The following SEMA3A variants were observed in gnomAD, a reference collection of about 807,000 sequenced individuals.
SEMA3A encodes semaphorin 3A, also known as semaphorin-3A.
A neutral mutation model predicts 97.9 loss-of-function variants in SEMA3A; 29 were observed. That is an observed-to-expected ratio of 0.30 (90% CI 0.22 to 0.40). The LOEUF (loss-of-function observed/expected upper bound fraction) is 0.40, where lower values mean the gene tolerates loss of function less well. SEMA3A is among the 10% of genes least tolerant of loss of function. SEMA3A has a pLI of 1.00. For missense variants in SEMA3A, 763 were observed against 951.3 expected (o/e 0.80, Z 2.60); for synonymous variants, 321 against 323.7 (o/e 0.99, Z 0.09).
At chr7:84,257,752 T>G (rs536314756) in intron 3 of SEMA3A, among the ~76,000 whole-genome samples, 10 of 152,166 alleles carry the variant, frequency 6.6e-5, no homozygotes, top group South Asian at 2.1e-4. Context: ...ATAAAGACAC[T>G]ACTTTTTTTC....
intron 9 of SEMA3A, among the ~76,000 whole-genome samples, chr7:84,008,697 T>C (rs1234523746): frequency 6.6e-6 from 1 of 152,186 alleles, no homozygotes; most frequent in Non-Finnish European, 1.5e-5. Context: ...AGTTTGTTAT[T>C]GGAAACTACT....
chr7:84,278,006 T>C (rs896111147), intron 3 of SEMA3A, among the ~76,000 whole-genome samples: 8 of 152,152 alleles, frequency 5.3e-5, no homozygotes, highest in Non-Finnish European at 8.8e-5. Context: ...ATACTCTGCT[T>C]CTTTTATAAA....
chr7:84,070,027 G>A (rs2115748315), intron 4 of SEMA3A, among the ~76,000 whole-genome samples: 1 of 152,246 alleles, frequency 6.6e-6, no homozygotes, highest in African/African-American at 2.4e-5. Flanking sequence ...TGTTTTGGAA[G>A]AGTGTGAAAT....
intron 6 of SEMA3A, among the ~76,000 whole-genome samples, chr7:84,021,665 A>G (rs931904494): frequency 6.6e-6 from 1 of 152,216 alleles, no homozygotes; most frequent in African/African-American, 2.4e-5. Context: ...GTAAACTAAT[A>G]TCCCTATTTT....
At chr7:84,096,371 A>T (rs1023051167) in intron 4 of SEMA3A, among the ~76,000 whole-genome samples, 3 of 152,046 alleles carry the variant, frequency 2.0e-5, no homozygotes, top group African/African-American at 7.2e-5. Flanking sequence ...TTTTAGCAAG[A>T]ATTTTATGGA....
intron 1 of SEMA3A, among the ~76,000 whole-genome samples, chr7:84,463,125 A>G (rs1805895277): frequency 6.6e-6 from 1 of 151,632 alleles, no homozygotes; most frequent in African/African-American, 2.4e-5. Context: ...TCATTTTTTA[A>G]TATCTCTCTT....
chr7:84,138,223 T>A (rs2116060706), intron 1 of SEMA3A, among the ~76,000 whole-genome samples: 1 of 152,174 alleles, frequency 6.6e-6, no homozygotes, highest in South Asian at 2.1e-4. Flanking sequence ...TATATTTTTT[T>A]TCTTTTTTTT....
At chr7:84,041,462 A>C (rs1792131821) in intron 6 of SEMA3A, among the ~76,000 whole-genome samples, 1 of 152,102 alleles carries the variant, frequency 6.6e-6, no homozygotes, top group Non-Finnish European at 1.5e-5. Context: ...ATTCTTGAGG[A>C]AACAAAACTA....
rs543592759 is a variant in SEMA3A at position 84,356,987 on chromosome 7, C to T, written c.-169+14837G>A. 5.0e-3 allele frequency among the ~76,000 whole-genome samples: 765 copies of T among 151,768 alleles called. 5 individuals carry two copies. The highest frequency in any genetic ancestry group is 0.01 in the South Asian group (49 of 4,820). ...AGTTAAAAAAAAGTTGCTAGGCAAC[C>T]TTTAATGACCACACAAAGCAGCTAT... On this transcript the variant is annotated intron_variant, in intron 2 of 3. Transcript: ENST00000424555.
chr7:84,095,619 G>A (rs1220818448), intron 4 of SEMA3A, among the ~76,000 whole-genome samples: 1 of 149,850 alleles, frequency 6.7e-6, no homozygotes, highest in Non-Finnish European at 1.5e-5. Flanking sequence ...TATTCTAACA[G>A]ATGTTGCTTT....
chr7:84,261,710 A>T (rs1799859407), intron 3 of SEMA3A, among the ~76,000 whole-genome samples: 2 of 152,170 alleles, frequency 1.3e-5, no homozygotes, highest in South Asian at 4.1e-4. Context: ...ACTCATGCAC[A>T]CCTTGCTGCT....
At chr7:84,370,166 G>C (rs897777602) in intron 2 of SEMA3A, among the ~76,000 whole-genome samples, 6 of 151,572 alleles carry the variant, frequency 4.0e-5, no homozygotes, top group Admixed American at 1.3e-4. Context: ...TTAGGAACTA[G>C]TAACTTATTC....
At chr7:84,178,861 T>C (rs534042032) in intron 1 of SEMA3A, among the ~76,000 whole-genome samples, 14 of 152,160 alleles carry the variant, frequency 9.2e-5, no homozygotes, top group Non-Finnish European at 2.1e-4. Context: ...ACTAAAATAC[T>C]GAACATTTAA....
intron 1 of SEMA3A, among the ~76,000 whole-genome samples, chr7:84,156,246 A>G (rs186618902): frequency 2.1e-3 from 320 of 152,238 alleles, no homozygotes; most frequent in Non-Finnish European, 3.2e-3. Context: ...GTATCTGACT[A>G]AAGTATAGCA....
intron 1 of SEMA3A, among the ~76,000 whole-genome samples, chr7:84,466,751 G>A (rs779167876): frequency 5.3e-5 from 8 of 152,166 alleles, no homozygotes; most frequent in South Asian, 2.1e-4. Context: ...GCTAGAAGTC[G>A]GTTGTTTCTA....
intron 1 of SEMA3A, among the ~76,000 whole-genome samples, chr7:84,394,623 A>G (rs1803677569): frequency 6.6e-6 from 1 of 152,146 alleles, no homozygotes; most frequent in Non-Finnish European, 1.5e-5. Context: ...GCTGATTGGA[A>G]CAACAAATAA....
chr7:84,450,595 T>A (rs1038993053), intron 1 of SEMA3A, among the ~76,000 whole-genome samples: 5 of 152,226 alleles, frequency 3.3e-5, no homozygotes, highest in African/African-American at 1.2e-4. Flanking sequence ...TAGCTTGCCA[T>A]TGATTATAGA....
chr7:84,395,611 C>A, intron 1 of SEMA3A, among the ~76,000 whole-genome samples: 1 of 143,826 alleles, frequency 7.0e-6, no homozygotes, highest in East Asian at 2.0e-4. Flanking sequence ...ATAATTGAAT[C>A]ATGGGGGTGG....
rs112056279 is a variant in SEMA3A, at chr7:84,222,677, TA to T, written c.-82-28010del. 1.4e-4 allele frequency among the ~76,000 whole-genome samples: 22 copies of T among 152,032 alleles called. 1 individual carries two copies. Among genetic ancestry groups the T allele is most frequent in the African/African-American group, 5.1e-4 (21 of 41,536 alleles). The stretch of plus-strand genomic sequence containing the variant: ...TTTTATATAAACAACAATTATTTTT[TA>T]ATTGCAATAAACTTGGTTTTAATAC... On this transcript the variant is annotated intron_variant, in intron 3 of 3. Transcript: ENST00000424555.
Sources: gnomAD v4.1 joint callset for allele counts (sites outside exome capture counted in the v4.1 genomes callset) on GRCh38, gnomAD v4.1.1 for gene constraint, MANE v1.5 for transcripts, NCBI Gene and HGNC (gene_info 2026-07-23, HGNC 2026-07-21) for gene names.